Variants in B2M observed in about 807,000 individuals in gnomAD.
The protein encoded by B2M is beta-2-microglobulin.
A neutral mutation model predicts 14.5 loss-of-function variants in B2M; 3 were observed. The observed-to-expected ratio is 0.21, with a 90% confidence interval of 0.09 to 0.53. The LOEUF is 0.53. B2M is among the 20% of genes least tolerant of loss of function. The probability of loss-of-function intolerance (pLI) is 0.95; values close to 1 mark genes in which losing one functional copy is unlikely to be tolerated. For synonymous variants in B2M, 45 were observed against 52.7 expected, an observed-to-expected ratio of 0.85 and a Z score of 0.64; for missense variants, 107 against 140.8, an observed-to-expected ratio of 0.76 and a Z score of 1.21.
At chr15:44,716,436 T>C in intron 3 of B2M, 80 bp downstream of exon 3, 1 of 1,371,372 alleles carries the variant, frequency 7.3e-7, no homozygotes, top group Non-Finnish European at 1.0e-6. Context: ...ATGATAACCC[T>C]CACTATGTGG....
chr15:44,711,590 T>C lies in B2M; in HGVS notation c.44T>C (p.Leu15Pro). The part of the protein sequence containing the change: ...VALAVLALLS[L>P]SGLEAIQRTP... ...TTAGCTGTGCTCGCGCTACTCTCTCTTTCTGGCCTGGAGGCTATCCAGCGT... is the reference window on the plus strand; with the variant it reads ...TTAGCTGTGCTCGCGCTACTCTCTCCTTCTGGCCTGGAGGCTATCCAGCGT... The change falls in exon 1 of 4, where the codon CTT (leucine) becomes CCT (proline). Residue 15 changes from leucine (L) to proline (P), a missense_variant. Coordinates refer to ENST00000648006, the MANE Select transcript of B2M (RefSeq NM_004048.4). The C allele has an allele frequency of 6.2e-7, 1 of 1,613,874 alleles. No homozygotes were observed. The highest frequency in any genetic ancestry group is 8.5e-7 in the Non-Finnish European group (1 of 1,179,980).
At chr15:44,715,361 C>T (rs2086929080) in intron 1 of B2M, 62 bp from the exon 2 acceptor site, 1 of 1,558,584 alleles carries the variant, frequency 6.4e-7, no homozygotes, top group Non-Finnish European at 8.8e-7. Context: ...AGCTTGACAC[C>T]AAGTTAGCCC....
rs143844645 is a variant in B2M, at chr15:44,717,548, A to G, written c.*15-59A>G. 2.6e-5 allele frequency: 4 copies of G among 152,360 alleles called. No homozygotes were observed. The East Asian group carries it at 7.7e-4, about 29-fold the overall frequency. The allele number at this position is 152,360 out of a possible 1,614,324, so 9.4% of individuals were successfully genotyped here. On this transcript the variant is annotated intron_variant, in intron 3 of 3. Transcript: ENST00000648006. ...CAGTAGAAATTAGACAAGTTTGGTAATGAGATCTGCAATCCAAATAAAATA... is the reference window on the plus strand; with the variant it reads ...CAGTAGAAATTAGACAAGTTTGGTAGTGAGATCTGCAATCCAAATAAAATA...
chr15:44,717,096 G>C (rs2086950286), intron 3 of B2M: 1 of 152,250 alleles, frequency 6.6e-6, no homozygotes, highest in Non-Finnish European at 1.5e-5. Flanking sequence ...CACACTGTTA[G>C]TAAATTGTAG....
At chr15:44,714,465 C>T (rs956939480) in intron 1 of B2M, 1 of 152,012 alleles carries the variant, frequency 6.6e-6, no homozygotes, top group Non-Finnish European at 1.5e-5. Flanking sequence ...AAGAACATAC[C>T]TTGGGTTGGT....
At chr15:44,716,268 A>G (rs1423625904) in intron 2 of B2M, 61 bp from the exon 3 acceptor site, 4 of 1,546,134 alleles carry the variant, frequency 2.6e-6, no homozygotes, top group South Asian at 2.2e-5. Flanking sequence ...TTGTTAGTAC[A>G]TGGTATTTTA....
rs1368491786 is a variant in B2M at position 44,717,928 on chromosome 15, C to T, written c.*336C>T. On this transcript the variant is annotated 3_prime_UTR_variant, in exon 4 of 4. Transcript: ENST00000648006. Reference sequence around the variant, plus strand: ...CTCAAAGCTTGTTAAGATAGTTAAGCGTGCATAAGTTAACTTCCAATTTAC... The same window carrying T: ...CTCAAAGCTTGTTAAGATAGTTAAGTGTGCATAAGTTAACTTCCAATTTAC... 1.3e-5 allele frequency: 2 copies of T among 152,066 alleles called. No homozygotes were observed. Among genetic ancestry groups the T allele is most frequent in the Non-Finnish European group, 2.9e-5 (2 of 68,026 alleles). The allele number at this position is 152,066 out of a possible 1,614,324, so 9.4% of individuals were successfully genotyped here.
At chr15:44,716,629 C>G in intron 3 of B2M, 1 of 519,970 alleles carries the variant, frequency 1.9e-6, no homozygotes. Flanking sequence ...GGTGGTTACC[C>G]ACATTACCTG....
At chr15:44,716,419 C>T in intron 3 of B2M, 63 bp downstream of exon 3, 2 of 1,472,244 alleles carry the variant, frequency 1.4e-6, no homozygotes, top group Non-Finnish European at 1.9e-6. Context: ...TTATAGACAG[C>T]TCTAACATGA....
chr15:44,714,439 G>A (rs1253423720), intron 1 of B2M: 2 of 151,934 alleles, frequency 1.3e-5, no homozygotes, highest in East Asian at 1.9e-4. Flanking sequence ...GAAATAAAGA[G>A]GTTTTGTTGT....
intron 1 of B2M, chr15:44,711,903 C>A: frequency 1.7e-6 from 1 of 571,726 alleles, no homozygotes; most frequent in Non-Finnish European, 3.1e-6. Flanking sequence ...CGTCGATAAG[C>A]GTCAGAGCGC....
intron 1 of B2M, chr15:44,712,639 G>A (rs1426025696): frequency 1.3e-5 from 2 of 152,256 alleles, no homozygotes; most frequent in African/African-American, 4.8e-5. Flanking sequence ...TCGTACAGAG[G>A]GCTTCCTCTT....
intron 2 of B2M, chr15:44,716,043 C>T: frequency 3.3e-6 from 2 of 601,116 alleles, no homozygotes; most frequent in Non-Finnish European, 5.9e-6. Flanking sequence ...GTATATTTAG[C>T]ACTGAACGAA....
chr15:44,716,125 A>T (rs1002665848), intron 2 of B2M: 1 of 638,266 alleles, frequency 1.6e-6, no homozygotes, highest in Non-Finnish European at 2.7e-6. Flanking sequence ...GGACTTCTCC[A>T]GTACTTTCTG....
Position 44,715,690 on chromosome 15 carries a change from T to C in B2M, c.335T>C (p.Ile112Thr), listed in dbSNP as rs747805163. 2.5e-6 allele frequency: 4 copies of C among 1,614,166 alleles called. No homozygotes were observed. The highest frequency in any genetic ancestry group is 2.5e-6 in the Non-Finnish European group (3 of 1,180,030). Reference protein sequence around the residue: ...VNHVTLSQPKIVKWDRDM With the variant: ...VNHVTLSQPKTVKWDRDM ...CATGTGACTTTGTCACAGCCCAAGA[T>C]AGTTAAGTGGGGTAAGTCTTACATT... The change falls in exon 2 of 4, where the codon ATA becomes ACA. Residue 112 changes from isoleucine (I) to threonine (T), a missense_variant. Transcript: ENST00000648006.
chr15:44,712,881 G>A (rs557632443), intron 1 of B2M: 1 of 151,934 alleles, frequency 6.6e-6, no homozygotes, highest in South Asian at 2.1e-4. Flanking sequence ...TCGTGCCTGT[G>A]GTCCCAGCTG....
At chr15:44,712,999 G>GA (rs3042005) in intron 1 of B2M, 991 of 92,782 alleles carry the variant, frequency 0.011, 9 homozygotes, top group East Asian at 0.055. Context: ...TCTCAAAAAA[G>GA]AAAAAAAAAA....
chr15:44,717,464 T>A lies in B2M; in HGVS notation c.*15-143T>A, dbSNP rs138183864. On this transcript the variant is annotated intron_variant, in intron 3 of 3. Transcript: ENST00000648006. ...AAAGGGATACACTAACAGGATATAC[T>A]CTTTATAATGGGTTTGGAGAACTGT... 3.3e-4 allele frequency: 51 copies of A among 152,330 alleles called. No individual in the cohort carries two copies. The East Asian group carries it at 9.3e-3, about 28-fold the overall frequency. 9.4% of individuals were successfully genotyped at this position (152,330 alleles called of 1,614,324 possible). A position where few individuals can be genotyped will look rare whatever the true frequency, so the allele number is the denominator to read the frequency against.
Position 44,717,980 on chromosome 15 carries a change from A to T in B2M, c.*388A>T, listed in dbSNP as rs1012224104. On this transcript the variant is annotated 3_prime_UTR_variant, in exon 4 of 4. Transcript: ENST00000648006. ...TACTCTGCTTAGAATTTGGGGGAAA[A>T]TTTAGAAATATAATTGACAGGATTA... is the stretch of plus-strand genomic sequence containing the variant. 2 of 152,208 alleles carry T rather than the reference A, an allele frequency of 1.3e-5. No individual in the cohort carries two copies. The highest frequency in any genetic ancestry group is 4.8e-5 in the African/African-American group (2 of 41,450). The allele number at this position is 152,208 out of a possible 1,614,324, so 9.4% of individuals were successfully genotyped here.
Sources: gnomAD v4.1 joint callset for allele counts on GRCh38, gnomAD v4.1.1 for gene constraint, MANE v1.5 for transcripts, NCBI Gene and HGNC (gene_info 2026-07-23, HGNC 2026-07-21) for gene names.